KCNJ6: variants seen among roughly 807,000 people sequenced by gnomAD.
KCNJ6 encodes potassium inwardly rectifying channel subfamily J member 6, also known as G protein-activated inward rectifier potassium channel 2.
Under a neutral mutation model 34.2 loss-of-function variants are expected in KCNJ6, and 9 were observed. The observed-to-expected ratio is 0.26, with a 90% confidence interval of 0.16 to 0.46. The LOEUF (loss-of-function observed/expected upper bound fraction) is 0.46, where lower values mean the gene tolerates loss of function less well. KCNJ6 is among the 20% of genes least tolerant of loss of function. The pLI, the probability that KCNJ6 is intolerant of heterozygous loss-of-function variation, is 1.00. For missense variants in KCNJ6, 236 were observed against 531.3 expected (o/e 0.44, Z 5.46); for synonymous variants, 196 against 207.1 (o/e 0.95, Z 0.46).
chr21:37,633,795 CAGTA>C (rs755208798), intron 3 of KCNJ6, among the ~76,000 whole-genome samples: 13 of 151,868 alleles, frequency 8.6e-5, no homozygotes, highest in Admixed American at 1.3e-4. Context: ...ATTTGGGAGA[CAGTA>C]AGGAAGATTT....
At chr21:37,873,985 T>C (rs1000534146) in intron 1 of KCNJ6, among the ~76,000 whole-genome samples, 1 of 152,164 alleles carries the variant, frequency 6.6e-6, no homozygotes, top group African/African-American at 2.4e-5. Flanking sequence ...CCTCTTCAAC[T>C]TCTATCTCCA....
At chr21:37,637,955 A>T (rs1481599516) in intron 3 of KCNJ6, among the ~76,000 whole-genome samples, 1 of 152,226 alleles carries the variant, frequency 6.6e-6, no homozygotes, top group African/African-American at 2.4e-5. Context: ...TAGAACTGTA[A>T]GGAAATACAT....
chr21:37,905,768 T>C (rs115201696), intron 1 of KCNJ6, among the ~76,000 whole-genome samples: 11,411 of 152,278 alleles, frequency 0.075, 444 homozygotes, highest in African/African-American at 0.081. Flanking sequence ...CAGGGCATTT[T>C]TTTCTCTATG....
At chr21:37,872,432 A>G (rs564141985) in intron 1 of KCNJ6, among the ~76,000 whole-genome samples, 1 of 152,304 alleles carries the variant, frequency 6.6e-6, no homozygotes, top group East Asian at 1.9e-4. Flanking sequence ...TAGTTAGGGA[A>G]TGGGGCACCT....
chr21:37,874,607 A>G (rs1287926794), intron 1 of KCNJ6, among the ~76,000 whole-genome samples: 1 of 152,216 alleles, frequency 6.6e-6, no homozygotes, highest in African/African-American at 2.4e-5. Flanking sequence ...GGGTCTAAGG[A>G]TAGAAAGATG....
rs192448222 is a variant in KCNJ6, at chr21:37,760,206, A to T, written c.26-45075T>A. The stretch of plus-strand genomic sequence containing the variant: ...GAATTCCTGACCCACAGAAGCTGCA[A>T]GAATAATGTCTCCTGCTACTTTAAG... On this transcript the variant is annotated intron_variant, in intron 2 of 3. Coordinates refer to ENST00000609713, the MANE Select transcript of KCNJ6 (RefSeq NM_002240.5). Among the ~76,000 whole-genome samples the T allele has an allele frequency of 9.1e-4, 139 of 152,344 alleles. 6 individuals carry two copies. In the South Asian group the frequency reaches 0.028, roughly 30 times the overall value.
intron 1 of KCNJ6, among the ~76,000 whole-genome samples, chr21:37,854,860 T>C (rs143670084): frequency 1.3e-5 from 2 of 152,312 alleles, no homozygotes; most frequent in African/African-American, 4.8e-5. Flanking sequence ...GTGCAAAATA[T>C]GTGGAGCAAA....
intron 3 of KCNJ6, among the ~76,000 whole-genome samples, chr21:37,634,188 G>T (rs1437157121): frequency 6.6e-6 from 1 of 152,208 alleles, no homozygotes; most frequent in Non-Finnish European, 1.5e-5. Context: ...CCTGATGGAA[G>T]GTGTTTGGGT....
At position 37,877,012 on chromosome 21, in the gene KCNJ6, T is replaced by C. The variant is rs148366168; in HGVS notation, c.-27-36303A>G. 4.6e-5 allele frequency among the ~76,000 whole-genome samples: 7 copies of C among 152,334 alleles called. No individual in the cohort carries two copies. The East Asian group carries it at 1.3e-3, about 29-fold the overall frequency. On this transcript the variant is annotated intron_variant, in intron 1 of 3. Transcript: ENST00000609713. ...AGAATAAACTTAACATTTTTATTAC[T>C]ATGAGTCATGTTCCAAAGTGCCCTG...
chr21:37,651,124 A>T lies in KCNJ6; in HGVS notation c.947-25640T>A, dbSNP rs114472921. Among the ~76,000 whole-genome samples, 350 of 152,324 alleles carry T rather than the reference A, an allele frequency of 2.3e-3. 1 individual carries two copies. Among genetic ancestry groups the T allele is most frequent in the African/African-American group, 7.9e-3 (330 of 41,568 alleles). On this transcript the variant is annotated intron_variant, in intron 3 of 3. Transcript: ENST00000609713. Reference sequence around the variant, plus strand: ...AAAGAAAGGTACAGAGAGCCACAGGACCATTTAAGGGCAGGAGCTTGGTGT... The same window carrying T: ...AAAGAAAGGTACAGAGAGCCACAGGTCCATTTAAGGGCAGGAGCTTGGTGT...
chr21:37,714,511 C>T lies in KCNJ6; in HGVS notation c.646G>A (p.Gly216Arg). The T allele has an allele frequency of 6.2e-7, 1 of 1,614,178 alleles. No individual in the cohort carries two copies. The highest frequency in any genetic ancestry group is 8.5e-7 in the Non-Finnish European group (1 of 1,180,040). The change falls in exon 3 of 4, where the codon GGG becomes AGG. Residue 216 changes from glycine (G) to arginine (R), a missense_variant. This residue lies in a region of KCNJ6 where 60 missense variants were observed against 207.3 expected (regional missense o/e 0.29). Transcript: ENST00000609713. The surrounding 1 kb of genome is among the most constrained non-coding windows in gnomAD (Gnocchi z 5.9). Reference protein sequence around the residue: ...STHAVISMRDGKLCLMFRVGD... With the variant: ...STHAVISMRDRKLCLMFRVGD... ...ACCCGGAACATCAGGCACAGTTTCC[C>T]ATCCCGCATGGAGATCACTGCATGG...
intron 3 of KCNJ6, among the ~76,000 whole-genome samples, chr21:37,630,117 C>T (rs1262120010): frequency 1.2e-5 from 1 of 84,112 alleles, no homozygotes; most frequent in Non-Finnish European, 2.6e-5. Flanking sequence ...CAAGGCAGAA[C>T]TGCCAAGATG....
At chr21:37,853,113 T>A (rs2055545440) in intron 1 of KCNJ6, among the ~76,000 whole-genome samples, 3 of 148,042 alleles carry the variant, frequency 2.0e-5, no homozygotes, top group Admixed American at 6.8e-5. Flanking sequence ...AAGAAAGTAT[T>A]CAAGGGAATA....
chr21:37,882,894 T>C (rs1461770535), intron 1 of KCNJ6, among the ~76,000 whole-genome samples: 1 of 152,250 alleles, frequency 6.6e-6, no homozygotes, highest in African/African-American at 2.4e-5. Flanking sequence ...GGCTTGTGTG[T>C]GCGTGAGTGT....
At chr21:37,647,450 G>A (rs1198762232) in intron 3 of KCNJ6, among the ~76,000 whole-genome samples, 1 of 152,112 alleles carries the variant, frequency 6.6e-6, no homozygotes, top group Non-Finnish European at 1.5e-5. Flanking sequence ...GACATCTGAG[G>A]CTGTGCTGAC....
At chr21:37,738,082 A>T (rs1055969462) in intron 2 of KCNJ6, among the ~76,000 whole-genome samples, 3 of 152,156 alleles carry the variant, frequency 2.0e-5, no homozygotes, top group Non-Finnish European at 2.9e-5. Flanking sequence ...CTCTTTTTTA[A>T]CAGTGAGATT....
rs2054661227 is a variant in KCNJ6 at position 37,695,865 on chromosome 21, G to A, written c.946+18346C>T. 6.6e-6 allele frequency among the ~76,000 whole-genome samples: 1 copy of A among 152,210 alleles called. No homozygotes were observed. The highest frequency in any genetic ancestry group is 6.5e-5 in the Admixed American group (1 of 15,284). ...AGCTGAAAAAGTCCAAGGTGAGCCTGTAACATCTTTTTGTGCCAGAAAAAA... is the reference window on the plus strand; with the variant it reads ...AGCTGAAAAAGTCCAAGGTGAGCCTATAACATCTTTTTGTGCCAGAAAAAA... On this transcript the variant is annotated intron_variant, in intron 3 of 3. Coordinates refer to ENST00000609713, the MANE Select transcript of KCNJ6 (RefSeq NM_002240.5). The surrounding 1 kb of genome is among the most constrained non-coding windows in gnomAD (Gnocchi z 4.2).
chr21:37,724,354 G>A (rs1021508144), intron 2 of KCNJ6, among the ~76,000 whole-genome samples: 3 of 152,058 alleles, frequency 2.0e-5, no homozygotes, highest in Admixed American at 6.5e-5. Flanking sequence ...CTTACAACAC[G>A]CACAACTATT....
chr21:37,864,424 T>A (rs1054990121), intron 1 of KCNJ6, among the ~76,000 whole-genome samples: 3 of 152,162 alleles, frequency 2.0e-5, no homozygotes, highest in Non-Finnish European at 2.9e-5. Context: ...AATATCCAGT[T>A]CTTTAATAGT....
Sources: gnomAD v4.1 joint callset for allele counts (sites outside exome capture counted in the v4.1 genomes callset) on GRCh38, gnomAD v4.1.1 for gene constraint, gnomAD v4.1.1 regional missense constraint, Gnocchi (gnomAD v3.1) non-coding constraint, MANE v1.5 for transcripts, NCBI Gene and HGNC (gene_info 2026-07-23, HGNC 2026-07-21) for gene names.